Variants in SCHIP1 observed in about 807,000 individuals in gnomAD.
SCHIP1 encodes the protein schwannomin interacting protein 1.
A neutral mutation model predicts 29.7 loss-of-function variants in SCHIP1; 8 were observed. The ratio of observed to expected loss-of-function variants is 0.27; its 90% CI spans 0.16 to 0.49. The LOEUF (loss-of-function observed/expected upper bound fraction) is 0.49. Among genes scored for constraint, SCHIP1 ranks in the 20% least tolerant of loss-of-function variants. The pLI is 0.99. For missense variants in SCHIP1, 193 were observed against 294.6 expected, an observed-to-expected ratio of 0.66 and a Z score of 2.52; for synonymous variants, 76 against 94.9, an observed-to-expected ratio of 0.80 and a Z score of 1.16.
At chr3:159,494,798 CA>C in the SCHIP1 span, among the ~76,000 whole-genome samples, 97 of 150,234 alleles carry the variant, frequency 6.5e-4, no homozygotes, top group African/African-American at 2.1e-3. Context: ...AGAGACACAA[CA>C]AAAAAAAAGA....
the SCHIP1 span, among the ~76,000 whole-genome samples, chr3:159,725,271 CTTT>C: frequency 8.0e-5 from 11 of 136,988 alleles, no homozygotes; most frequent in East Asian, 2.1e-4. Flanking sequence ...TTTCTTTTTT[CTTT>C]TTTTTTTTTT....
the SCHIP1 span, among the ~76,000 whole-genome samples, chr3:159,695,982 C>T: frequency 6.6e-6 from 1 of 152,170 alleles, no homozygotes; most frequent in Admixed American, 6.5e-5. Flanking sequence ...CCGCACCCCC[C>T]ACCACCTCAT....
At chr3:159,750,529 G>A in the SCHIP1 span, among the ~76,000 whole-genome samples, 1 of 151,948 alleles carries the variant, frequency 6.6e-6, no homozygotes, top group Non-Finnish European at 1.5e-5. Flanking sequence ...GAAAGTGAGA[G>A]AAGTAGGATA....
chr3:159,881,169 A>T (rs1310017487), intron 2 of SCHIP1, among the ~76,000 whole-genome samples: 1 of 152,250 alleles, frequency 6.6e-6, no homozygotes, highest in Non-Finnish European at 1.5e-5. Flanking sequence ...TTGTTTCTTC[A>T]TGACAGATTC....
At chr3:159,379,410 A>G in the SCHIP1 span, among the ~76,000 whole-genome samples, 3 of 152,078 alleles carry the variant, frequency 2.0e-5, no homozygotes, top group Non-Finnish European at 2.9e-5. Context: ...TTTAGTAGAG[A>G]CAGGGTTTCA....
chr3:159,469,958 G>C, the SCHIP1 span, among the ~76,000 whole-genome samples: 32 of 152,058 alleles, frequency 2.1e-4, no homozygotes, highest in South Asian at 4.0e-3. Flanking sequence ...ACATAACCAA[G>C]TATGTTTCAT....
chr3:159,311,743 A>G, the SCHIP1 span, among the ~76,000 whole-genome samples: 1 of 152,188 alleles, frequency 6.6e-6, no homozygotes. Context: ...TATCTAAAAA[A>G]TAATAGGGAA....
the SCHIP1 span, among the ~76,000 whole-genome samples, chr3:159,441,725 A>G: frequency 4.6e-5 from 7 of 152,192 alleles, no homozygotes; most frequent in African/African-American, 7.2e-5. Flanking sequence ...ATTCAAGCAT[A>G]GGGCCCTGGG....
chr3:159,844,113 T>A (rs1253603349), intron 1 of SCHIP1, among the ~76,000 whole-genome samples: 1 of 152,208 alleles, frequency 6.6e-6, no homozygotes, highest in Non-Finnish European at 1.5e-5. Context: ...CTTCCTCTTG[T>A]GTCATTTCTT....
At chr3:159,754,963 C>T in the SCHIP1 span, among the ~76,000 whole-genome samples, 2 of 152,158 alleles carry the variant, frequency 1.3e-5, no homozygotes, top group East Asian at 1.9e-4. Context: ...TGGCCGGGTG[C>T]GGTGGCTCAC....
the SCHIP1 span, among the ~76,000 whole-genome samples, chr3:159,704,900 CTTTCTTTATTT>C: frequency 3.2e-5 from 2 of 62,510 alleles, no homozygotes; most frequent in African/African-American, 1.4e-4. Flanking sequence ...TTCTTTCTTT[CTTTCTTTATTT>C]CTTTCTTTCT....
At chr3:159,593,198 CAGTT>C in the SCHIP1 span, among the ~76,000 whole-genome samples, 1 of 152,114 alleles carries the variant, frequency 6.6e-6, no homozygotes, top group African/African-American at 2.4e-5. Flanking sequence ...AGCCATTAAT[CAGTT>C]AGAGAAAACA....
the SCHIP1 span, among the ~76,000 whole-genome samples, chr3:159,693,521 G>A: frequency 2.6e-5 from 4 of 152,132 alleles, no homozygotes. Flanking sequence ...TGGTACACTG[G>A]CTATTAATGT....
At chr3:159,507,830 G>A in the SCHIP1 span, among the ~76,000 whole-genome samples, 2 of 152,334 alleles carry the variant, frequency 1.3e-5, no homozygotes, top group Admixed American at 6.5e-5. Flanking sequence ...CTTGATCATA[G>A]TGGATAAGCT....
the SCHIP1 span, among the ~76,000 whole-genome samples, chr3:159,711,816 G>C: frequency 4.6e-5 from 7 of 152,212 alleles, no homozygotes; most frequent in African/African-American, 1.7e-4. Flanking sequence ...AGGACTTGCT[G>C]ACAGGGAACA....
the SCHIP1 span, among the ~76,000 whole-genome samples, chr3:159,637,862 C>T: frequency 6.6e-6 from 1 of 152,160 alleles, no homozygotes; most frequent in Non-Finnish European, 1.5e-5. Flanking sequence ...ATTTCTGTCC[C>T]TGAGAGGGTA....
the SCHIP1 span, among the ~76,000 whole-genome samples, chr3:159,785,501 G>T: frequency 2.0e-5 from 3 of 151,944 alleles, no homozygotes; most frequent in Non-Finnish European, 4.4e-5. Flanking sequence ...GACAGCCATT[G>T]GCCTCACCCT....
At chr3:159,547,952 A>T in the SCHIP1 span, among the ~76,000 whole-genome samples, 1 of 152,186 alleles carries the variant, frequency 6.6e-6, no homozygotes, top group Non-Finnish European at 1.5e-5. Flanking sequence ...GATTTTCTGT[A>T]GTATTCTATT....
At chr3:159,602,110 G>A in the SCHIP1 span, among the ~76,000 whole-genome samples, 2 of 152,262 alleles carry the variant, frequency 1.3e-5, no homozygotes, top group South Asian at 2.1e-4. Context: ...GGTTCACATC[G>A]CAGCAGTCTA....
Sources: allele counts gnomAD v4.1 joint callset (sites outside exome capture counted in the v4.1 genomes callset), GRCh38; gene constraint gnomAD v4.1.1; transcripts MANE v1.5; gene names NCBI Gene and HGNC (gene_info 2026-07-23, HGNC 2026-07-21).